The following CSMD1 variants were observed in gnomAD, a reference collection of about 807,000 sequenced individuals.
CSMD1 encodes the protein CUB and sushi domain-containing protein 1.
In CSMD1, 213 loss-of-function variants were observed where a neutral mutation model predicts 417.5. The observed-to-expected ratio is 0.51, with a 90% confidence interval of 0.46 to 0.57. The LOEUF (loss-of-function observed/expected upper bound fraction) is 0.57, where lower values mean the gene tolerates loss of function less well. Ranked by LOEUF, CSMD1 falls within the 20% of genes least tolerant of loss-of-function variation. The probability of loss-of-function intolerance (pLI) is 0.00; values close to 1 mark genes in which losing one functional copy is unlikely to be tolerated. For missense variants in CSMD1, 6,923 were observed against 4,529.7 expected, an observed-to-expected ratio of 1.53 and a Z score of -15.17; for synonymous variants, 2,862 against 1,736.8, an observed-to-expected ratio of 1.65 and a Z score of -16.11.
intron 50 of CSMD1, among the ~76,000 whole-genome samples, chr8:3,046,141 G>A (rs1192176283): frequency 1.8e-4 from 28 of 152,172 alleles, no homozygotes; most frequent in Admixed American, 1.8e-3. Context: ...GCAGAGGAGT[G>A]TCCTCTTTTG....
chr8:3,736,749 A>G (rs967241029), intron 6 of CSMD1, among the ~76,000 whole-genome samples: 1 of 152,240 alleles, frequency 6.6e-6, no homozygotes. Flanking sequence ...ACCTTTACCA[A>G]TCATTAGGTG....
intron 2 of CSMD1, among the ~76,000 whole-genome samples, chr8:4,616,846 A>T (rs1398718901): frequency 6.6e-6 from 1 of 152,110 alleles, no homozygotes; most frequent in Admixed American, 6.5e-5. Flanking sequence ...GGGCTTATTC[A>T]TTGGTTTTTG....
intron 10 of CSMD1, among the ~76,000 whole-genome samples, chr8:3,574,434 T>A (rs1011747525): frequency 6.6e-6 from 1 of 152,074 alleles, no homozygotes; most frequent in African/African-American, 2.4e-5. Flanking sequence ...TTAGTAGAGA[T>A]GGGGTTTCAC....
At chr8:4,133,548 A>G (rs559990544) in intron 3 of CSMD1, among the ~76,000 whole-genome samples, 175 of 152,286 alleles carry the variant, frequency 1.1e-3, no homozygotes, top group Non-Finnish European at 2.0e-3. Flanking sequence ...CTCATGGTAT[A>G]AGGGTTTTGT....
chr8:4,302,416 A>G (rs1406287353), intron 3 of CSMD1, among the ~76,000 whole-genome samples: 1 of 152,218 alleles, frequency 6.6e-6, no homozygotes. Flanking sequence ...ATATGTGATT[A>G]CTTTCATCCC....
At chr8:3,058,156 T>C (rs371575845) in intron 49 of CSMD1, among the ~76,000 whole-genome samples, 1 of 152,216 alleles carries the variant, frequency 6.6e-6, no homozygotes, top group African/African-American at 2.4e-5. Context: ...GTAGTGCTAT[T>C]GTGTGCAACT....
At chr8:3,029,237 T>C (rs1810165133) in intron 51 of CSMD1, 82 bp downstream of exon 51, 1 of 1,148,550 alleles carries the variant, frequency 8.7e-7, no homozygotes, top group Non-Finnish European at 1.2e-6. Context: ...ATAGCTCCAC[T>C]AGAGAAGCTC....
At chr8:3,911,429 G>A (rs1808458356) in intron 5 of CSMD1, among the ~76,000 whole-genome samples, 1 of 151,718 alleles carries the variant, frequency 6.6e-6, no homozygotes, top group Admixed American at 6.6e-5. Flanking sequence ...TCGGGAGGCT[G>A]AGGCAGGAGA....
intron 1 of CSMD1, among the ~76,000 whole-genome samples, chr8:4,836,204 T>A (rs182792958): frequency 7.9e-5 from 12 of 152,364 alleles, no homozygotes; most frequent in Non-Finnish European, 1.8e-4. Context: ...CAGGCATTCA[T>A]CTACCTTGAG....
At chr8:4,369,269 G>C (rs1175068918) in intron 3 of CSMD1, among the ~76,000 whole-genome samples, 2 of 152,016 alleles carry the variant, frequency 1.3e-5, no homozygotes, top group East Asian at 3.9e-4. Context: ...GGGTCTTTCT[G>C]ATACGACTTC....
Position 2,994,922 on chromosome 8 carries a change from A to C in CSMD1, c.8377+3089T>G, listed in dbSNP as rs186469477. 5.0e-3 allele frequency among the ~76,000 whole-genome samples: 761 copies of C among 152,336 alleles called. 5 individuals are homozygous for C. The highest frequency in any genetic ancestry group is 0.018 in the African/African-American group (730 of 41,582). ...CAGACTTTATACAAAAATTAACACA[A>C]AATGGATCACAGACTTTAAAATATA... On this transcript the variant is annotated intron_variant, in intron 54 of 69. Transcript: ENST00000635120.
intron 5 of CSMD1, among the ~76,000 whole-genome samples, chr8:3,965,436 G>A (rs540232693): frequency 6.6e-6 from 1 of 152,254 alleles, no homozygotes; most frequent in South Asian, 2.1e-4. Flanking sequence ...CGGAAAAAGG[G>A]TAGAATGTTT....
intron 11 of CSMD1, among the ~76,000 whole-genome samples, chr8:3,483,493 C>T (rs1284154806): frequency 6.6e-6 from 1 of 151,832 alleles, no homozygotes; most frequent in Non-Finnish European, 1.5e-5. Flanking sequence ...AACATGTTCA[C>T]CAAAAATAAA....
At chr8:3,772,167 C>CATATAT (rs375018980) in intron 5 of CSMD1, among the ~76,000 whole-genome samples, 7,566 of 44,752 alleles carry the variant, frequency 0.17, 1,150 homozygotes, top group Non-Finnish European at 0.25. Flanking sequence ...GAAAGGGCAA[C>CATATAT]ATATATATAT....
chr8:4,192,710 G>A (rs1357686492), intron 3 of CSMD1, among the ~76,000 whole-genome samples: 1 of 152,120 alleles, frequency 6.6e-6, no homozygotes, highest in Admixed American at 6.5e-5. Context: ...CCAACATGTC[G>A]GGTATGAGGA....
intron 20 of CSMD1, among the ~76,000 whole-genome samples, chr8:3,360,754 T>A (rs187030369): frequency 1.3e-5 from 2 of 152,234 alleles, no homozygotes; most frequent in African/African-American, 4.8e-5. Flanking sequence ...ACACCATCTT[T>A]AGGGTTCCCC....
At chr8:4,557,901 C>G (rs544270425) in intron 2 of CSMD1, among the ~76,000 whole-genome samples, 1 of 152,174 alleles carries the variant, frequency 6.6e-6, no homozygotes, top group Non-Finnish European at 1.5e-5. Context: ...ATGACGTGTT[C>G]AGTTTTTAGT....
At chr8:4,779,374 G>C (rs1489718068) in intron 1 of CSMD1, among the ~76,000 whole-genome samples, 1 of 152,138 alleles carries the variant, frequency 6.6e-6, no homozygotes, top group African/African-American at 2.4e-5. Flanking sequence ...TTACAGAAGA[G>C]TTCATAATCC....
At chr8:3,990,893 C>T (rs2259576) in intron 5 of CSMD1, among the ~76,000 whole-genome samples, 60,852 of 151,876 alleles carry the variant, frequency 0.4, 12,222 homozygotes, top group Non-Finnish European at 0.42. Context: ...TCCTGGAGGT[C>T]CATTCTGACG....
Sources: allele counts gnomAD v4.1 joint callset (sites outside exome capture counted in the v4.1 genomes callset), GRCh38; gene constraint gnomAD v4.1.1; transcripts MANE v1.5; gene names NCBI Gene and HGNC (gene_info 2026-07-23, HGNC 2026-07-21).